The following C18orf63 variants were observed in gnomAD, a reference collection of about 807,000 sequenced individuals.
C18orf63 encodes chromosome 18 open reading frame 63.
C18orf63 carries 50 observed loss-of-function variants against 75.3 expected under a neutral mutation model. The ratio of observed to expected loss-of-function variants is 0.66; its 90% confidence interval spans 0.53 to 0.84. The LOEUF (loss-of-function observed/expected upper bound fraction) is 0.84. C18orf63 is among the 40% of genes least tolerant of loss of function. The pLI is 0.00. For missense variants in C18orf63, 732 were observed against 800.2 expected (o/e 0.91, Z 1.03); for synonymous variants, 232 against 267.6 (o/e 0.87, Z 1.30).
intron 1 of C18orf63, among the ~76,000 whole-genome samples, chr18:74,316,879 C>T (rs954385033): frequency 1.2e-4 from 19 of 152,214 alleles, no homozygotes; most frequent in Non-Finnish European, 1.5e-5. Flanking sequence ...TATCCCTGAA[C>T]AGATCACTCT....
intron 2 of C18orf63, among the ~76,000 whole-genome samples, chr18:74,318,298 A>C (rs1984061063): frequency 6.6e-6 from 1 of 152,188 alleles, no homozygotes; most frequent in Non-Finnish European, 1.5e-5. Context: ...GCTCCCAGAA[A>C]CTTAGAGGTC....
At chr18:74,343,028 T>G (rs1191000542) in intron 10 of C18orf63, among the ~76,000 whole-genome samples, 2 of 152,180 alleles carry the variant, frequency 1.3e-5, no homozygotes, top group Admixed American at 1.3e-4. Context: ...TTTTATTTCA[T>G]TAGATGCCAA....
chr18:74,334,582 T>C (rs79820658), intron 7 of C18orf63, among the ~76,000 whole-genome samples: 1,846 of 152,260 alleles, frequency 0.012, 19 homozygotes, highest in South Asian at 0.047. Context: ...AATGTTCCCT[T>C]TGGCATAGTG....
rs1434966516 is a variant in C18orf63, at chr18:74,354,495, C to T, written c.2040C>T (p.Leu680=). 1.4e-6 allele frequency: 2 copies of T among 1,457,446 alleles called. No homozygotes were observed. The highest frequency in any genetic ancestry group is 2.5e-5 in the East Asian group (1 of 40,534). The allele number at this position is 1,457,446 out of a possible 1,614,324, so 90.3% of individuals were successfully genotyped here. The change falls in exon 13 of 14, where the codon CTC becomes CTT. Residue 680 remains leucine, a synonymous_variant. Coordinates refer to ENST00000579455, the MANE Select transcript of C18orf63 (RefSeq NM_001174123.2). Reference sequence around the variant, plus strand: ...ATAAATCAAAACTTAAGAAATCTCTCATCATTCATAATGCTTAGAACATGG... The same window carrying T: ...ATAAATCAAAACTTAAGAAATCTCTTATCATTCATAATGCTTAGAACATGG... The part of the protein sequence containing the change: ...DSDKSKLKKS[L]IIHNA
intron 4 of C18orf63, among the ~76,000 whole-genome samples, chr18:74,326,674 A>G (rs1231349833): frequency 6.6e-6 from 1 of 151,920 alleles, no homozygotes; most frequent in Non-Finnish European, 1.5e-5. Flanking sequence ...TATCTTGTTC[A>G]TTTCCCATCT....
At chr18:74,355,180 A>G (rs1356762126) in intron 13 of C18orf63, among the ~76,000 whole-genome samples, 1 of 152,244 alleles carries the variant, frequency 6.6e-6, no homozygotes, top group African/African-American at 2.4e-5. Context: ...TTTAAGAACC[A>G]ACTAGAAAAC....
chr18:74,335,080 G>A (rs1054133618), intron 7 of C18orf63, among the ~76,000 whole-genome samples: 5 of 152,170 alleles, frequency 3.3e-5, no homozygotes, highest in Admixed American at 1.3e-4. Flanking sequence ...TATTATCTAT[G>A]CAAATGTCTC....
chr18:74,343,713 T>A lies in C18orf63; in HGVS notation c.978+11T>A. 1 of 1,454,634 alleles carries A rather than the reference T, an allele frequency of 6.9e-7. No homozygotes were observed. The highest frequency in any genetic ancestry group is 2.5e-5 in the East Asian group (1 of 39,332). The allele number at this position is 1,454,634 out of a possible 1,614,324, so 90.1% of individuals were successfully genotyped here. A position where few individuals can be genotyped will look rare whatever the true frequency, so the allele number is the denominator to read the frequency against. Reference sequence around the variant, plus strand: ...AAACCTAATATACAGGTAAGAGATCTCTTGTCCTATCTAGTTCTCCAAGAC... The same window carrying A: ...AAACCTAATATACAGGTAAGAGATCACTTGTCCTATCTAGTTCTCCAAGAC... On this transcript the variant is annotated intron_variant, in intron 11 of 13. Coordinates refer to ENST00000579455, the MANE Select transcript of C18orf63 (RefSeq NM_001174123.2).
intron 4 of C18orf63, among the ~76,000 whole-genome samples, chr18:74,325,830 G>T (rs1475858478): frequency 6.6e-6 from 1 of 152,204 alleles, no homozygotes; most frequent in African/African-American, 2.4e-5. Context: ...AGGTGGTAGA[G>T]AATTTGTCCT....
chr18:74,342,338 A>G lies in C18orf63; in HGVS notation c.794+12A>G. ...GAAAGGACCTTCACATATCCTTTAC[A>G]CACCAACTGAAGCAGATGCTGTCTG... On this transcript the variant is annotated intron_variant, in intron 10 of 13. Coordinates refer to ENST00000579455, the MANE Select transcript of C18orf63 (RefSeq NM_001174123.2). The G allele has an allele frequency of 6.8e-7, 1 of 1,461,498 alleles. No homozygotes were observed. Among genetic ancestry groups the G allele is most frequent in the Non-Finnish European group, 9.3e-7 (1 of 1,080,926 alleles). The allele number at this position is 1,461,498 out of a possible 1,614,324, so 90.5% of individuals were successfully genotyped here. A position where few individuals can be genotyped will look rare whatever the true frequency, so the allele number is the denominator to read the frequency against.
chr18:74,321,744 G>C (rs1182757167), intron 3 of C18orf63, among the ~76,000 whole-genome samples: 2 of 151,638 alleles, frequency 1.3e-5, no homozygotes, highest in African/African-American at 4.9e-5. Flanking sequence ...GTAAATTCAA[G>C]AATGTGAATT....
rs186246872 is a variant in C18orf63, at chr18:74,357,491, C to T, written c.*1044C>T. The T allele has an allele frequency of 1.8e-4, 28 of 152,144 alleles. No individual in the cohort carries two copies. In the East Asian group the frequency reaches 4.4e-3, roughly 24 times the overall value. The allele number at this position is 152,144 out of a possible 1,614,324, so 9.4% of individuals were successfully genotyped here. ...TCAAACATTTTATATGTTTGATATA[C>T]GAAATATTATATAATTGTTGTAATA... On this transcript the variant is annotated 3_prime_UTR_variant, in exon 14 of 14. Coordinates refer to ENST00000579455, the MANE Select transcript of C18orf63 (RefSeq NM_001174123.2).
chr18:74,345,281 T>TGAAA (rs1984555422), intron 11 of C18orf63, among the ~76,000 whole-genome samples: 1 of 152,094 alleles, frequency 6.6e-6, no homozygotes, highest in Admixed American at 6.6e-5. Context: ...AGATATGAGT[T>TGAAA]TTTCATCAGT....
rs1009800820 is a variant in C18orf63 at position 74,327,406 on chromosome 18, G to C, written c.271-541G>C. ...TTACACATAGACATATAGCTTAGAA[G>C]GTGTATAAGCTCTGGAAAACTTTGT... On this transcript the variant is annotated intron_variant, in intron 4 of 13. Coordinates refer to ENST00000579455, the MANE Select transcript of C18orf63 (RefSeq NM_001174123.2). 7.9e-5 allele frequency among the ~76,000 whole-genome samples: 12 copies of C among 152,172 alleles called. 1 individual carries two copies. The highest frequency in any genetic ancestry group is 7.9e-4 in the Admixed American group (12 of 15,274).
In C18orf63 at chr18:74,338,752, A is replaced by G; in HGVS notation, c.539A>G (p.Asp180Gly). The change falls in exon 8 of 14, where the codon GAT (aspartate) becomes GGT (glycine). Residue 180 changes from aspartate to glycine, a missense_variant. Transcript: ENST00000579455. ...GAGATTTCCCAGAGTATTATAAAGG[A>G]TTTTCATGCTAACAAGCATGCTGTC... Reference protein sequence around the residue: ...EFEISQSIIKDFHANKHAVIE... With the variant: ...EFEISQSIIKGFHANKHAVIE... 7.1e-7 allele frequency: 1 copy of G among 1,411,878 alleles called. No homozygotes were observed. Among genetic ancestry groups the G allele is most frequent in the South Asian group, 1.6e-5 (1 of 63,908 alleles). 87.5% of individuals were successfully genotyped at this position (1,411,878 alleles called of 1,614,324 possible).
At chr18:74,329,705 T>C (rs542954647) in intron 6 of C18orf63, among the ~76,000 whole-genome samples, 5 of 152,318 alleles carry the variant, frequency 3.3e-5, no homozygotes, top group African/African-American at 1.2e-4. Context: ...CTTATAAGAA[T>C]AGGATTCATT....
At chr18:74,355,462 ACTT>A (rs199845058) in intron 13 of C18orf63, among the ~76,000 whole-genome samples, 4,047 of 152,084 alleles carry the variant, frequency 0.027, 170 homozygotes, top group African/African-American at 0.091. Flanking sequence ...ACTTTGAACT[ACTT>A]AAGTCCTGAC....
intron 7 of C18orf63, among the ~76,000 whole-genome samples, chr18:74,331,467 T>G (rs1327136590): frequency 6.6e-6 from 1 of 152,208 alleles, no homozygotes; most frequent in African/African-American, 2.4e-5. Flanking sequence ...TTATTGTCTT[T>G]CCTCTAGGCC....
chr18:74,343,344 C>T (rs918350577), intron 10 of C18orf63, among the ~76,000 whole-genome samples, 175 bp from the exon 11 acceptor site: 2 of 152,040 alleles, frequency 1.3e-5, no homozygotes, highest in African/African-American at 4.8e-5. Flanking sequence ...GAATGAAGAT[C>T]CCTGTGAGAA....
Sources: gnomAD v4.1 joint callset for allele counts (sites outside exome capture counted in the v4.1 genomes callset) on GRCh38, gnomAD v4.1.1 for gene constraint, MANE v1.5 for transcripts, NCBI Gene and HGNC (gene_info 2026-07-23, HGNC 2026-07-21) for gene names.